The following KAT2B variants were observed in gnomAD, a reference collection of about 807,000 sequenced individuals.
The protein encoded by KAT2B is histone acetyltransferase KAT2B.
A neutral mutation model predicts 105.9 loss-of-function variants in KAT2B; 36 were observed. That is an observed-to-expected ratio of 0.34 (90% CI 0.26 to 0.45). KAT2B has a LOEUF of 0.45. Among genes scored for constraint, KAT2B ranks in the 20% least tolerant of loss-of-function variants. The pLI is 1.00. For missense variants in KAT2B, 820 were observed against 1,021.6 expected, an observed-to-expected ratio of 0.80 and a Z score of 2.69; for synonymous variants, 397 against 377.9, an observed-to-expected ratio of 1.05 and a Z score of -0.59.
rs372216063 is a variant in KAT2B, at chr3:20,128,930, C to A, written c.1749+1381C>A. 1.7e-3 allele frequency among the ~76,000 whole-genome samples: 249 copies of A among 148,330 alleles called. 1 individual carries two copies. Among genetic ancestry groups the A allele is most frequent in the African/African-American group, 5.9e-3 (242 of 40,744 alleles). ...GCTGAGGCAGGAAAATTGCTTGAACCCGGGAGGCGGAGGTTGCAGTGAGCC... is the reference window on the plus strand; with the variant it reads ...GCTGAGGCAGGAAAATTGCTTGAACACGGGAGGCGGAGGTTGCAGTGAGCC... On this transcript the variant is annotated intron_variant, in intron 11 of 17. Transcript: ENST00000263754.
At position 20,152,921 on chromosome 3, in the gene KAT2B, TGA is replaced by T. The variant is rs1401343704; in HGVS notation, c.*400_*401del. The T allele has an allele frequency of 6.4e-6, 1 of 155,450 alleles. No homozygotes were observed. The highest frequency in any genetic ancestry group is 1.4e-5 in the Non-Finnish European group (1 of 69,848). 9.6% of individuals were successfully genotyped at this position (155,450 alleles called of 1,614,324 possible). ...GTTTCCATTTTTTTCTAATGGAATGTGAGAGTTTACTTTTATTTTATTCTGAA... is the reference window on the plus strand; with the variant it reads ...GTTTCCATTTTTTTCTAATGGAATGTGAGTTTACTTTTATTTTATTCTGAA... On this transcript the variant is annotated 3_prime_UTR_variant, in exon 18 of 18. Coordinates refer to ENST00000263754, the MANE Select transcript of KAT2B (RefSeq NM_003884.5).
At chr3:20,059,555 A>G (rs1575109020) in intron 1 of KAT2B, among the ~76,000 whole-genome samples, 1 of 150,984 alleles carries the variant, frequency 6.6e-6, no homozygotes. Flanking sequence ...AATACAAAAA[A>G]TTAGCCAGGT....
intron 1 of KAT2B, among the ~76,000 whole-genome samples, chr3:20,055,231 C>T (rs745370505): frequency 2.6e-5 from 4 of 152,082 alleles, no homozygotes; most frequent in African/African-American, 9.7e-5. Flanking sequence ...CCTCAGATTT[C>T]GCAGCTGTAA....
rs1477810729 is a variant in KAT2B, at chr3:20,153,200, C to G, written c.*675C>G. On this transcript the variant is annotated 3_prime_UTR_variant, in exon 18 of 18. Coordinates refer to ENST00000263754, the MANE Select transcript of KAT2B (RefSeq NM_003884.5). ...GATAATTCTGTCTACTTACAACAAA[C>G]TTGTTAGTACATAACCACTATTTTA... 6.6e-6 allele frequency: 1 copy of G among 152,492 alleles called. No homozygotes were observed. Among genetic ancestry groups the G allele is most frequent in the Non-Finnish European group, 1.5e-5 (1 of 67,962 alleles). The allele number at this position is 152,492 out of a possible 1,614,324, so 9.4% of individuals were successfully genotyped here.
chr3:20,108,117 G>T (rs190035368), intron 5 of KAT2B, among the ~76,000 whole-genome samples: 511 of 152,232 alleles, frequency 3.4e-3, no homozygotes, highest in Non-Finnish European at 5.4e-3. Context: ...GCCAAATCCA[G>T]TGTGTATTTT....
Position 20,095,264 on chromosome 3 carries a change from T to C in KAT2B, c.432T>C (p.Ala144=), listed in dbSNP as rs1575130227. 4 of 1,611,210 alleles carry C rather than the reference T, an allele frequency of 2.5e-6. No homozygotes were observed. Among genetic ancestry groups the C allele is most frequent in the Middle Eastern group, 3.3e-4 (2 of 6,044 alleles). The stretch of plus-strand genomic sequence containing the variant: ...ATGTTTCTTTGATCTTATCATAAGC[T>C]GCTCATGTTTCCCACCTGGAGAATG... The part of the protein sequence containing the change: ...ESCRSCSHAL[A]AHVSHLENVS... Residue 144 remains alanine (A), a splice_region_variant and synonymous_variant, in exon 3 of 18, where the codon GCT becomes GCC. Transcript: ENST00000263754.
Position 20,107,180 on chromosome 3 carries a change from G to T in KAT2B, c.852-4416G>T, listed in dbSNP as rs369327692. The stretch of plus-strand genomic sequence containing the variant: ...CGAGTAGCTGGGATTACAGGCATGC[G>T]CCACCACAGCTGGCTCATTTTTGTA... On this transcript the variant is annotated intron_variant, in intron 5 of 17. Transcript: ENST00000263754. 1.3e-3 allele frequency among the ~76,000 whole-genome samples: 191 copies of T among 148,136 alleles called. 1 individual carries two copies. Among genetic ancestry groups the T allele is most frequent in the Non-Finnish European group, 2.3e-3 (155 of 66,834 alleles).
At chr3:20,109,548 G>C (rs569675313) in intron 5 of KAT2B, among the ~76,000 whole-genome samples, 126 of 152,196 alleles carry the variant, frequency 8.3e-4, no homozygotes, top group African/African-American at 3.0e-3. Context: ...GAACTCCTGG[G>C]CTCAAGCGAT....
chr3:20,056,884 C>G (rs1441759570), intron 1 of KAT2B, among the ~76,000 whole-genome samples: 2 of 152,158 alleles, frequency 1.3e-5, no homozygotes, highest in East Asian at 3.9e-4. Context: ...ATTACTTGTC[C>G]TACAGGGTTG....
intron 1 of KAT2B, among the ~76,000 whole-genome samples, chr3:20,044,084 AAAAAG>A (rs1047547014): frequency 7.2e-5 from 11 of 152,070 alleles, no homozygotes; most frequent in African/African-American, 2.7e-4. Flanking sequence ...AAAAAAAAGA[AAAAAG>A]AAAAGAAACA....
At chr3:20,111,547 A>G (rs1699120798) in intron 5 of KAT2B, 49 bp from the exon 6 acceptor site, 3 of 1,423,944 alleles carry the variant, frequency 2.1e-6, no homozygotes, top group Non-Finnish European at 2.9e-6. Flanking sequence ...ATTTCTGATG[A>G]CCTGGGGGTT....
intron 1 of KAT2B, among the ~76,000 whole-genome samples, chr3:20,066,069 C>T (rs1698218512): frequency 6.6e-6 from 1 of 152,062 alleles, no homozygotes; most frequent in African/African-American, 2.4e-5. Context: ...GTCATCTGGG[C>T]CACACTCCTT....
At chr3:20,063,127 G>A (rs1358905037) in intron 1 of KAT2B, among the ~76,000 whole-genome samples, 1 of 151,994 alleles carries the variant, frequency 6.6e-6, no homozygotes, top group East Asian at 1.9e-4. Flanking sequence ...GAGTACAGTG[G>A]CACAGTCATG....
At chr3:20,099,556 G>A (rs1698872085) in intron 3 of KAT2B, among the ~76,000 whole-genome samples, 1 of 152,210 alleles carries the variant, frequency 6.6e-6, no homozygotes, top group Non-Finnish European at 1.5e-5. Flanking sequence ...GCATGGGACG[G>A]TGGTGTCTGT....
At chr3:20,054,344 G>A (rs1450913834) in intron 1 of KAT2B, among the ~76,000 whole-genome samples, 1 of 151,938 alleles carries the variant, frequency 6.6e-6, no homozygotes, top group African/African-American at 2.4e-5. Flanking sequence ...GGCCAGGCTG[G>A]TCTTGAATTC....
At chr3:20,043,288 G>C (rs1697751212) in intron 1 of KAT2B, among the ~76,000 whole-genome samples, 1 of 152,170 alleles carries the variant, frequency 6.6e-6, no homozygotes, top group African/African-American at 2.4e-5. Context: ...GCTAGGTGCT[G>C]GGCCTATGAC....
intron 3 of KAT2B, among the ~76,000 whole-genome samples, chr3:20,096,727 A>G (rs927684399): frequency 2.0e-5 from 3 of 152,154 alleles, no homozygotes; most frequent in African/African-American, 7.2e-5. Context: ...TAGGAATCTT[A>G]GTGCAAATTT....
intron 9 of KAT2B, among the ~76,000 whole-genome samples, chr3:20,123,835 G>A (rs373535725): frequency 1.6e-4 from 24 of 152,134 alleles, no homozygotes; most frequent in African/African-American, 5.3e-4. Context: ...CTAAGGATTA[G>A]ATTCAAGTAA....
At chr3:20,077,894 G>A (rs761949828) in intron 2 of KAT2B, among the ~76,000 whole-genome samples, 2 of 152,118 alleles carry the variant, frequency 1.3e-5, no homozygotes, top group Admixed American at 6.6e-5. Context: ...AGCAGCTTGG[G>A]TCTTGCATGG....
Sources: allele counts gnomAD v4.1 joint callset (sites outside exome capture counted in the v4.1 genomes callset), GRCh38; gene constraint gnomAD v4.1.1; transcripts MANE v1.5; gene names NCBI Gene and HGNC (gene_info 2026-07-23, HGNC 2026-07-21).